RNF213: variants seen among roughly 807,000 people sequenced by gnomAD.
The protein encoded by RNF213 is ring finger protein 213, also known as E3 ubiquitin-protein ligase RNF213.
RNF213 carries 341 observed loss-of-function variants against 514.4 expected under a neutral mutation model. The observed-to-expected ratio is 0.66, with a 90% confidence interval of 0.61 to 0.73. RNF213 has a LOEUF of 0.73. Among genes scored for constraint, RNF213 ranks in the 30% least tolerant of loss-of-function variants. The pLI, the probability that RNF213 is intolerant of heterozygous loss-of-function variation, is 0.00. For synonymous variants in RNF213, 2,655 were observed against 2,658.2 expected (o/e 1.00, Z 0.04); for missense variants, 5,767 against 6,615.6 (o/e 0.87, Z 4.45).
Position 80,334,258 on chromosome 17 carries a change from G to A in RNF213, c.4297G>A (p.Glu1433Lys), listed in dbSNP as rs1218260864. Residue 1433 changes from glutamate (E) to lysine (K), a missense_variant, in exon 22 of 68, where the codon GAG (glutamate) becomes AAG (lysine). Physicochemically the swap from Glu to Lys is moderately conservative, Grantham distance 56. Coordinates refer to ENST00000582970, the MANE Select transcript of RNF213 (RefSeq NM_001256071.3). ...AAAGGAGTTCATCTGCTGGGTCCGG[G>A]AGGCTCTTGGAGGTAAAATCAGCCT... ...LRKEFICWVR[E>K]ALGGINELKV... 5.1e-5 allele frequency: 78 copies of A among 1,533,166 alleles called. No individual in the cohort carries two copies. Among genetic ancestry groups the A allele is most frequent in the Non-Finnish European group, 6.5e-5 (74 of 1,144,678 alleles). The allele number at this position is 1,533,166 out of a possible 1,614,324, so 95.0% of individuals were successfully genotyped here. A position where few individuals can be genotyped will look rare whatever the true frequency, so the allele number is the denominator to read the frequency against.
chr17:80,369,903 C>A (rs2079447444), intron 46 of RNF213, 36 bp downstream of exon 46: 1 of 1,405,234 alleles, frequency 7.1e-7, no homozygotes, highest in Non-Finnish European at 1.0e-6. Flanking sequence ...CTGGAAAGCC[C>A]TGGCTTTTTC....
intron 25 of RNF213, among the ~76,000 whole-genome samples, chr17:80,338,923 G>A (rs1178451509): frequency 6.7e-6 from 1 of 150,230 alleles, no homozygotes; most frequent in Non-Finnish European, 1.5e-5. Context: ...ACTCCAGCCT[G>A]GGCAACAATG....
At chr17:80,364,143 C>G (rs938456584) in intron 41 of RNF213, among the ~76,000 whole-genome samples, 1 of 152,152 alleles carries the variant, frequency 6.6e-6, no homozygotes, top group African/African-American at 2.4e-5. Context: ...GTCCACTTCC[C>G]TAAAGGTGAG....
chr17:80,363,993 T>A (rs376986183), intron 41 of RNF213, among the ~76,000 whole-genome samples: 3 of 152,200 alleles, frequency 2.0e-5, no homozygotes, highest in African/African-American at 7.2e-5. Context: ...GAGAGGCGGC[T>A]GTGCATTCAG....
At chr17:80,280,647 G>T (rs1390040267) in intron 3 of RNF213, among the ~76,000 whole-genome samples, 2 of 151,994 alleles carry the variant, frequency 1.3e-5, no homozygotes, top group Non-Finnish European at 2.9e-5. Context: ...TAGAGATGGG[G>T]TCTTGCTGTG....
intron 36 of RNF213, among the ~76,000 whole-genome samples, chr17:80,357,316 TAGTTAACCAATTATCTTTCTGTCTGCC>T (rs1379469942): frequency 6.6e-6 from 1 of 152,198 alleles, no homozygotes; most frequent in African/African-American, 2.4e-5. Flanking sequence ...AAATGTCTTG[TAGTTAACCAATTATCTTTCTGTCTGCC>T]TATCTGTGCA....
At position 80,348,124 on chromosome 17, in the gene RNF213, G is replaced by A. The variant is rs775843559; in HGVS notation, c.9789G>A (p.Thr3263=). 5 of 1,613,982 alleles carry A rather than the reference G, an allele frequency of 3.1e-6. No individual in the cohort carries two copies. Among genetic ancestry groups the A allele is most frequent in the South Asian group, 1.1e-5 (1 of 91,094 alleles). The stretch of plus-strand genomic sequence containing the variant: ...AATCGATCCTGCTGAACTGCGCTAC[G>A]CCCGATGCCGTGGTCCGGCTGAGCG... ...EAKSILLNCA[T]PDAVVRLSAY... is the part of the protein sequence containing the mutation. Residue 3263 remains threonine (T), a synonymous_variant, in exon 29 of 68, where the codon ACG becomes ACA. Coordinates refer to ENST00000582970, the MANE Select transcript of RNF213 (RefSeq NM_001256071.3).
intron 22 of RNF213, chr17:80,334,493 C>T (rs1039344120): frequency 4.7e-6 from 2 of 421,560 alleles, no homozygotes; most frequent in Admixed American, 8.0e-5. Flanking sequence ...CACCTTGCCA[C>T]ACCCCGCCAC....
Position 80,347,956 on chromosome 17 carries a change from G to A in RNF213, c.9621G>A (p.Gln3207=). The change falls in exon 29 of 68, where the codon CAG becomes CAA. Residue 3207 remains glutamine, a synonymous_variant. Coordinates refer to ENST00000582970, the MANE Select transcript of RNF213 (RefSeq NM_001256071.3). This position sits in a 1 kb window ranked among gnomAD's most constrained non-coding sequence, Gnocchi z 7.2. ...TCAATGTCAAAGCACATCATTTCCA[G>A]AAGAGGCACAAATACAGCCCCTCTG... is the stretch of plus-strand genomic sequence containing the variant. ...KFINVKAHHF[Q]KRHKYSPSDV... is the part of the protein sequence containing the mutation. 3 of 1,614,000 alleles carry A rather than the reference G, an allele frequency of 1.9e-6. No individual in the cohort carries two copies. Among genetic ancestry groups the A allele is most frequent in the South Asian group, 2.2e-5 (2 of 91,086 alleles).
chr17:80,267,999 TA>T (rs1390715841), intron 2 of RNF213, among the ~76,000 whole-genome samples: 1 of 151,954 alleles, frequency 6.6e-6, no homozygotes, highest in Non-Finnish European at 1.5e-5. Context: ...TTGTATTTTT[TA>T]TTAGAGATAG....
At chr17:80,303,328 C>T (rs955859950) in intron 11 of RNF213, among the ~76,000 whole-genome samples, 1 of 152,144 alleles carries the variant, frequency 6.6e-6, no homozygotes, top group African/African-American at 2.4e-5. Context: ...GCAGTGAGAA[C>T]AAGACAGTGA....
At chr17:80,348,929 C>T (rs2078406034) in intron 29 of RNF213, among the ~76,000 whole-genome samples, 1 of 152,142 alleles carries the variant, frequency 6.6e-6, no homozygotes, top group Non-Finnish European at 1.5e-5. Context: ...GGAGCGGGCA[C>T]TGGAGGCACG....
rs1311597937 is a variant in RNF213 at position 80,353,402 on chromosome 17, CGG to C, written c.10424-107_10424-106del. The C allele has an allele frequency of 7.9e-7, 1 of 1,261,804 alleles. No homozygotes were observed. The highest frequency in any genetic ancestry group is 1.1e-6 in the Non-Finnish European group (1 of 887,390). 78.2% of individuals were successfully genotyped at this position (1,261,804 alleles called of 1,614,324 possible). Reference sequence around the variant, plus strand: ...GGGGACCTAGCACCACAGCAGGGGCCGGGGAAGCCTGCACTCGGAGGCTGAGC... The same window carrying C: ...GGGGACCTAGCACCACAGCAGGGGCCGGAAGCCTGCACTCGGAGGCTGAGC... On this transcript the variant is annotated intron_variant, in intron 33 of 67. Transcript: ENST00000582970. This position sits in a 1 kb window ranked among gnomAD's most constrained non-coding sequence, Gnocchi z 5.0.
intron 6 of RNF213, among the ~76,000 whole-genome samples, chr17:80,290,287 CTGTGTGTGTGCA>C (rs2044645122): frequency 6.6e-6 from 1 of 152,132 alleles, no homozygotes; most frequent in African/African-American, 2.4e-5. Flanking sequence ...GACCATGTGC[CTGTGTGTGTGCA>C]TGTGGGTGTG....
rs765153395 is a variant in RNF213 at position 80,298,454 on chromosome 17, G to C, written c.2146G>C (p.Glu716Gln). ...PRHKDAWRQPEDTWAALEGLS... is the reference protein window; with the variant it reads ...PRHKDAWRQPQDTWAALEGLS... Reference sequence around the variant, plus strand: ...GCACAAGGATGCCTGGAGACAGCCTGAGGACACCTGGGCCGCTCTGGAGGG... The same window carrying C: ...GCACAAGGATGCCTGGAGACAGCCTCAGGACACCTGGGCCGCTCTGGAGGG... The change falls in exon 11 of 68, where the codon GAG (glutamate) becomes CAG (glutamine). Residue 716 changes from glutamate to glutamine, a missense_variant. Physicochemically the swap from Glu to Gln is conservative, Grantham distance 29. Around this residue, in one of 13 missense-constraint regions of RNF213, gnomAD observed 592 missense variants for 673.9 expected, o/e 0.88. Coordinates refer to ENST00000582970, the MANE Select transcript of RNF213 (RefSeq NM_001256071.3). The C allele has an allele frequency of 1.2e-6, 2 of 1,614,184 alleles. No individual in the cohort carries two copies. The highest frequency in any genetic ancestry group is 1.3e-5 in the African/African-American group (1 of 75,044).
Position 80,332,535 on chromosome 17 carries a change from G to A in RNF213, c.4047G>A (p.Leu1349=). 1.3e-6 allele frequency: 2 copies of A among 1,536,692 alleles called. No individual in the cohort carries two copies. The highest frequency in any genetic ancestry group is 1.7e-6 in the Non-Finnish European group (2 of 1,146,424). Residue 1349 remains leucine (L), a synonymous_variant, in exon 21 of 68, where the codon CTG becomes CTA. Coordinates refer to ENST00000582970, the MANE Select transcript of RNF213 (RefSeq NM_001256071.3). Reference sequence around the variant, plus strand: ...AACAGATCAAGGAATACCATCACCTGCACCAGGCTGTCCACGCAGCCAAGG... The same window carrying A: ...AACAGATCAAGGAATACCATCACCTACACCAGGCTGTCCACGCAGCCAAGG... The part of the protein sequence containing the change: ...RVEQIKEYHH[L]HQAVHAAKVI...
At chr17:80,384,248 G>A (rs72851492) in intron 59 of RNF213, among the ~76,000 whole-genome samples, 73 of 152,238 alleles carry the variant, frequency 4.8e-4, no homozygotes, top group African/African-American at 1.6e-3. Flanking sequence ...TTTCCCAGCC[G>A]CTCTGTTCCT....
chr17:80,308,579 C>G (rs2143611314), intron 13 of RNF213, among the ~76,000 whole-genome samples: 1 of 152,196 alleles, frequency 6.6e-6, no homozygotes, highest in Non-Finnish European at 1.5e-5. Flanking sequence ...TCCATGTGTC[C>G]CTCAGAAAAC....
In RNF213 at chr17:80,319,197, C is replaced by T; in HGVS notation, c.2909C>T (p.Pro970Leu). ...CCCCTTTGATTTTTGCAGGAGGAACCCCTCTCCCAGATCACTGCCTACTGC... is the reference window on the plus strand; with the variant it reads ...CCCCTTTGATTTTTGCAGGAGGAACTCCTCTCCCAGATCACTGCCTACTGC... ...DMEWRLTKEE[P>L]LSQITAYCNS... is the part of the protein sequence containing the mutation. Residue 970 changes from proline (P) to leucine (L), a missense_variant, in exon 17 of 68, where the codon CCC becomes CTC. Physicochemically the swap from Pro to Leu is moderately conservative, Grantham distance 98. Coordinates refer to ENST00000582970, the MANE Select transcript of RNF213 (RefSeq NM_001256071.3). 1 of 1,614,178 alleles carries T rather than the reference C, an allele frequency of 6.2e-7. No homozygotes were observed. Among genetic ancestry groups the T allele is most frequent in the Non-Finnish European group, 8.5e-7 (1 of 1,180,040 alleles).
Sources: gnomAD v4.1 joint callset for allele counts (sites outside exome capture counted in the v4.1 genomes callset) on GRCh38, gnomAD v4.1.1 for gene constraint, gnomAD v4.1.1 regional missense constraint, Gnocchi (gnomAD v3.1) non-coding constraint, MANE v1.5 for transcripts, NCBI Gene and HGNC (gene_info 2026-07-23, HGNC 2026-07-21) for gene names.